The following MSN variants were observed in gnomAD, a reference collection of about 807,000 sequenced individuals.
MSN encodes the protein epididymis luminal protein 70.
In MSN, 2 loss-of-function variants were observed where a neutral mutation model predicts 48.0. The ratio of observed to expected loss-of-function variants is 0.04; its 90% CI spans 0.02 to 0.13. MSN has a LOEUF of 0.13. Ranked by LOEUF, MSN falls within the 10% of genes least tolerant of loss-of-function variation. The probability of loss-of-function intolerance (pLI) is 1.00; values close to 1 mark genes in which losing one functional copy is unlikely to be tolerated. For synonymous variants in MSN, 146 were observed against 166.9 expected (o/e 0.87, Z 0.97); for missense variants, 267 against 470.1 (o/e 0.57, Z 3.99).
chrX:65,710,353 T>C (rs1054022489), intron 1 of MSN, among the ~76,000 whole-genome samples: 1 of 111,875 alleles, frequency 8.9e-6, no homozygotes, highest in African/African-American at 3.3e-5. Flanking sequence ...CCAACCATAG[T>C]TCCTTAAACA....
intron 1 of MSN, among the ~76,000 whole-genome samples, chrX:65,615,299 G>C (rs2070359571): frequency 9.3e-6 from 1 of 107,871 alleles, no homozygotes; most frequent in Non-Finnish European, 1.9e-5. Context: ...CACAACGGTT[G>C]AACTAGTTTA....
chrX:65,656,265 C>CTGTGTGTGTGTGTG (rs3087113), intron 1 of MSN, among the ~76,000 whole-genome samples: 7 of 92,844 alleles, frequency 7.5e-5, no homozygotes, highest in African/African-American at 2.7e-4. Flanking sequence ...AGATCTATGC[C>CTGTGTGTGTGTGTG]TGTGTGTGTG....
chrX:65,592,192 C>CTTTTTTTTT (rs1176549178), intron 1 of MSN, among the ~76,000 whole-genome samples: 1 of 76,901 alleles, frequency 1.3e-5, no homozygotes, highest in Non-Finnish European at 2.4e-5. Context: ...CTCTTCATCC[C>CTTTTTTTTT]TTTTTTTTTT....
intron 1 of MSN, among the ~76,000 whole-genome samples, chrX:65,618,298 A>T (rs2070396470): frequency 9.0e-6 from 1 of 111,064 alleles, no homozygotes; most frequent in African/African-American, 3.3e-5. Context: ...TCTAATGTTG[A>T]CAGTGGGGTG....
At chrX:65,693,240 A>T (rs1395431401) in intron 1 of MSN, among the ~76,000 whole-genome samples, 1 of 111,866 alleles carries the variant, frequency 8.9e-6, no homozygotes, top group Non-Finnish European at 1.9e-5. Context: ...TAGAATTAAA[A>T]TTGTACTTTT....
At chrX:65,658,895 A>G (rs2070801503) in intron 1 of MSN, among the ~76,000 whole-genome samples, 1 of 106,617 alleles carries the variant, frequency 9.4e-6, no homozygotes. Flanking sequence ...CCCAGGCTGG[A>G]GTGCAATGGC....
chrX:65,667,600 G>T, upstream of MSN: 1 of 924,710 alleles, frequency 1.1e-6, no homozygotes, highest in Non-Finnish European at 1.3e-6. Context: ...GCGCGAGGGC[G>T]GGGAGCGGCG....
In MSN at chrX:65,716,833, A is replaced by T. The variant is rs1445014192; in HGVS notation, c.28A>T (p.Thr10Ser). 8.3e-7 allele frequency: 1 copy of T among 1,207,192 alleles called. No homozygotes were observed. The highest frequency in any genetic ancestry group is 1.8e-5 in the African/African-American group (1 of 56,447). MPKTISVRV[T>S]TMDAELEFAI... ...CTCATCCTAGATCAGTGTGCGTGTGACCACCATGGATGCAGAGCTGGAGTT... is the reference window on the plus strand; with the variant it reads ...CTCATCCTAGATCAGTGTGCGTGTGTCCACCATGGATGCAGAGCTGGAGTT... The change falls in exon 2 of 13, where the codon ACC becomes TCC. Residue 10 changes from threonine to serine, a missense_variant. Physicochemically the swap from Thr to Ser is moderately conservative, Grantham distance 58 (BLOSUM62 1). This residue lies in a region of MSN where 89 missense variants were observed against 151.0 expected (regional missense o/e 0.59). Transcript: ENST00000360270.
chrX:65,631,249 AT>A lies in MSN; in HGVS notation c.-22+42638del, dbSNP rs1188993691. On this transcript the variant is annotated intron_variant, in intron 1 of 3. Coordinates refer to the MSN transcript ENST00000609672. Reference sequence around the variant, plus strand: ...GCTGGGATTACAGGCGCCCACCACCATGCCCGGATAATTTTTGTTTTTTTAG... The same window carrying A: ...GCTGGGATTACAGGCGCCCACCACCAGCCCGGATAATTTTTGTTTTTTTAG... Among the ~76,000 whole-genome samples the A allele has an allele frequency of 2.7e-5, 3 of 109,447 alleles. No homozygotes were observed. In the Admixed American group the frequency reaches 3.0e-4, roughly 11 times the overall value.
rs189331795 is a variant in MSN at position 65,596,718 on chromosome X, G to A, written c.-22+8106G>A. 3.4e-3 allele frequency among the ~76,000 whole-genome samples: 368 copies of A among 107,931 alleles called. 3 individuals are homozygous for A. The highest frequency in any genetic ancestry group is 0.012 in the African/African-American group (351 of 29,444). 93.7% of individuals were successfully genotyped at this position (107,931 alleles called of 115,157 possible). On this transcript the variant is annotated intron_variant, in intron 1 of 3. Coordinates refer to the MSN transcript ENST00000609672. ...ATGGAGGGGTGGGGGGAATGAGGGGGGACCTGAACTGGTGTTGGACTGACT... is the reference window on the plus strand; with the variant it reads ...ATGGAGGGGTGGGGGGAATGAGGGGAGACCTGAACTGGTGTTGGACTGACT...
intron 1 of MSN, among the ~76,000 whole-genome samples, chrX:65,675,329 G>T (rs1305208178): frequency 1.8e-5 from 2 of 111,414 alleles, no homozygotes; most frequent in African/African-American, 3.3e-5. Flanking sequence ...AGGAGAAAGG[G>T]TTTACTGGGA....
In MSN at chrX:65,739,936, T is replaced by A; in HGVS notation, c.*43T>A. ...GGGACCCCTCCTCCCTTTTTCCTTGTCCCCACACTCCTACACCTAACTCAC... is the reference window on the plus strand; with the variant it reads ...GGGACCCCTCCTCCCTTTTTCCTTGACCCCACACTCCTACACCTAACTCAC... On this transcript the variant is annotated 3_prime_UTR_variant, in exon 13 of 13. Coordinates refer to ENST00000360270, the MANE Select transcript of MSN (RefSeq NM_002444.3). 1 of 1,161,887 alleles carries A rather than the reference T, an allele frequency of 8.6e-7. No individual in the cohort carries two copies. The highest frequency in any genetic ancestry group is 1.2e-6 in the Non-Finnish European group (1 of 860,367).
chrX:65,739,668 A>T, intron 12 of MSN, 61 bp from the exon 13 acceptor site: 1 of 1,127,990 alleles, frequency 8.9e-7, no homozygotes, highest in South Asian at 2.2e-5. Flanking sequence ...AGTCTGGTCA[A>T]ATAACAGGAG....
upstream of MSN, chrX:65,667,621 G>A: frequency 2.1e-6 from 2 of 972,675 alleles, no homozygotes; most frequent in South Asian, 4.1e-5. Flanking sequence ...CGGAAGCCGG[G>A]CCACATAAAG....
chrX:65,668,435 CACTT>C (rs1258752449), intron 1 of MSN, among the ~76,000 whole-genome samples: 8 of 112,033 alleles, frequency 7.1e-5, no homozygotes, highest in African/African-American at 2.6e-4. Context: ...AGAGCACCAA[CACTT>C]ATTTAGGCAC....
rs1018943946 is a variant in MSN at position 65,631,248 on chromosome X, C to G, written c.-22+42636C>G. 2.7e-5 allele frequency among the ~76,000 whole-genome samples: 3 copies of G among 110,145 alleles called. No homozygotes were observed. In the Admixed American group the frequency reaches 2.9e-4, roughly 11 times the overall value. On this transcript the variant is annotated intron_variant, in intron 1 of 3. Transcript: ENST00000609672. ...AGCTGGGATTACAGGCGCCCACCAC[C>G]ATGCCCGGATAATTTTTGTTTTTTT... is the stretch of plus-strand genomic sequence containing the variant.
chrX:65,644,935 C>G (rs982729544), intron 1 of MSN, among the ~76,000 whole-genome samples: 1 of 112,661 alleles, frequency 8.9e-6, no homozygotes, highest in African/African-American at 3.2e-5. Context: ...CCACTCATAA[C>G]TCCAGGGCAA....
chrX:65,595,233 C>G (rs2070177805), intron 1 of MSN, among the ~76,000 whole-genome samples: 2 of 112,010 alleles, frequency 1.8e-5, no homozygotes, highest in African/African-American at 6.5e-5. Flanking sequence ...ATATCTTTGC[C>G]CCTCATGTGA....
chrX:65,729,299 T>C lies in MSN; in HGVS notation c.193-139T>C, dbSNP rs892442629. On this transcript the variant is annotated intron_variant, in intron 3 of 12. Transcript: ENST00000360270. ...AGTGAAAGTAATGTATTATTTTTCTTAATTACCAGGGGAGTTGCCACCCAG... is the reference window on the plus strand; with the variant it reads ...AGTGAAAGTAATGTATTATTTTTCTCAATTACCAGGGGAGTTGCCACCCAG... The C allele has an allele frequency of 1.2e-5, 7 of 604,295 alleles. No individual in the cohort carries two copies. In the African/African-American group the frequency reaches 1.6e-4, roughly 14 times the overall value. 49.8% of individuals were successfully genotyped at this position (604,295 alleles called of 1,213,427 possible). A position where few individuals can be genotyped will look rare whatever the true frequency, so the allele number is the denominator to read the frequency against.
Sources: allele counts gnomAD v4.1 joint callset (sites outside exome capture counted in the v4.1 genomes callset), GRCh38; gene constraint gnomAD v4.1.1; regional missense constraint gnomAD v4.1.1; transcripts MANE v1.5; gene names NCBI Gene and HGNC (gene_info 2026-07-23, HGNC 2026-07-21).